FCRL1: variants seen among roughly 807,000 people sequenced by gnomAD.
FCRL1 encodes the protein Fc receptor-like protein 1.
In FCRL1, 34 loss-of-function variants were observed where a neutral mutation model predicts 49.2. The ratio of observed to expected loss-of-function variants is 0.69; its 90% CI spans 0.53 to 0.92. FCRL1 has a LOEUF of 0.92. Among genes scored for constraint, FCRL1 ranks in the 40% least tolerant of loss-of-function variants. The probability of loss-of-function intolerance (pLI) is 0.00; values close to 1 mark genes in which losing one functional copy is unlikely to be tolerated. For missense variants in FCRL1, 524 were observed against 524.1 expected (o/e 1.00, Z 0.00); for synonymous variants, 218 against 201.6 (o/e 1.08, Z -0.69).
intron 1 of FCRL1, among the ~76,000 whole-genome samples, chr1:157,818,488 A>G (rs1411615308): frequency 6.6e-6 from 1 of 152,104 alleles, no homozygotes; most frequent in East Asian, 1.9e-4. Context: ...TCATGGTTAC[A>G]AGAAGCTTGG....
chr1:157,804,431 T>C (rs1653070535), intron 2 of FCRL1, among the ~76,000 whole-genome samples: 1 of 152,206 alleles, frequency 6.6e-6, no homozygotes, highest in Non-Finnish European at 1.5e-5. Flanking sequence ...AGTACAATAA[T>C]ACTGAAGACT....
chr1:157,814,985 AT>A (rs1654832331), intron 1 of FCRL1, among the ~76,000 whole-genome samples: 2 of 152,052 alleles, frequency 1.3e-5, no homozygotes, highest in African/African-American at 4.8e-5. Flanking sequence ...AAAAGGAGAT[AT>A]AGACTGCAAT....
intron 3 of FCRL1, 42 bp from the exon 4 acceptor site, chr1:157,802,706 A>G: frequency 1.3e-6 from 2 of 1,565,808 alleles, no homozygotes; most frequent in Non-Finnish European, 1.7e-6. Context: ...CTGTGCAGGG[A>G]GAGTTTCAAA....
intron 3 of FCRL1, among the ~76,000 whole-genome samples, chr1:157,803,507 AC>A (rs767701196): frequency 2.7e-4 from 41 of 152,308 alleles, no homozygotes; most frequent in Non-Finnish European, 5.4e-4. Context: ...CCAGTCCTAC[AC>A]AATGCAGCAC....
chr1:157,812,968 G>A (rs1010727790), intron 1 of FCRL1, among the ~76,000 whole-genome samples: 2 of 152,076 alleles, frequency 1.3e-5, no homozygotes, highest in African/African-American at 4.8e-5. Context: ...CTAGGCCACT[G>A]AGGCACACAC....
chr1:157,798,887 A>G (rs1278296666), intron 7 of FCRL1, among the ~76,000 whole-genome samples: 2 of 152,184 alleles, frequency 1.3e-5, no homozygotes, highest in Non-Finnish European at 2.9e-5. Flanking sequence ...AACTCTCAAG[A>G]GTTTTTTATA....
chr1:157,800,363 T>C lies in FCRL1; in HGVS notation c.1004-278A>G, dbSNP rs150224767. Among the ~76,000 whole-genome samples, 819 of 152,338 alleles carry C rather than the reference T, an allele frequency of 5.4e-3. 4 individuals are homozygous for C. The highest frequency in any genetic ancestry group is 0.019 in the African/African-American group (773 of 41,566). ...TCTCTAAACTTGCACATTTATTGTA[T>C]GTTTTGGTTTTGTTTTACAACCACA... is the stretch of plus-strand genomic sequence containing the variant. On this transcript the variant is annotated intron_variant, in intron 6 of 10. Transcript: ENST00000368176.
intron 3 of FCRL1, among the ~76,000 whole-genome samples, chr1:157,802,885 C>T (rs79550262): frequency 0.066 from 10,089 of 152,252 alleles, 395 homozygotes; most frequent in South Asian, 0.18. Flanking sequence ...CATCACCTCT[C>T]TCCCTAGAAC....
chr1:157,796,099 T>G lies in FCRL1; in HGVS notation c.1290A>C (p.Ter430TyrextTer19). 1 of 1,613,444 alleles carries G rather than the reference T, an allele frequency of 6.2e-7. No individual in the cohort carries two copies. The change falls in exon 11 of 11, where the codon TAA (stop) becomes TAC (tyrosine). Residue 430 changes from the stop codon to tyrosine, a stop_lost. Coordinates refer to ENST00000368176, the MANE Select transcript of FCRL1 (RefSeq NM_052938.5). ...ITDVDYEDAM* is the reference protein window; with the variant it reads ...ITDVDYEDAMY Reference sequence around the variant, plus strand: ...TCAAAGAGCAGAATCTTCCATAACCTTACATAGCATCTTCATAGTCCACAT... The same window carrying G: ...TCAAAGAGCAGAATCTTCCATAACCGTACATAGCATCTTCATAGTCCACAT...
At chr1:157,816,394 C>T (rs1018685262) in intron 1 of FCRL1, among the ~76,000 whole-genome samples, 3 of 151,824 alleles carry the variant, frequency 2.0e-5, no homozygotes, top group Admixed American at 2.0e-4. Context: ...ATTCAACATC[C>T]ATTTACGTTA....
chr1:157,804,073 C>T lies in FCRL1; in HGVS notation c.91G>A (p.Gly31Arg). Residue 31 changes from glycine to arginine, a missense_variant, in exon 3 of 11, where the codon GGG (glycine) becomes AGG (arginine). Transcript: ENST00000368176. ...LIASPSHPTE[G>R]SPVTLTCKMP... is the part of the protein sequence containing the mutation. ...TTACACGTCAGGGTCACTGGGCTCC[C>T]CTCTGTGGGATGGGAGGGGCTGGCT... 1 of 1,614,180 alleles carries T rather than the reference C, an allele frequency of 6.2e-7. No individual in the cohort carries two copies. Among genetic ancestry groups the T allele is most frequent in the Non-Finnish European group, 8.5e-7 (1 of 1,180,032 alleles).
chr1:157,815,628 G>C (rs968659738), intron 1 of FCRL1, among the ~76,000 whole-genome samples: 3 of 151,744 alleles, frequency 2.0e-5, no homozygotes, highest in African/African-American at 7.2e-5. Context: ...AAATGAAATA[G>C]AGACTAGAAA....
rs2101814803 is a variant in FCRL1 at position 157,797,891 on chromosome 1, T to G, written c.1163A>C (p.Gln388Pro). 6.2e-7 allele frequency: 1 copy of G among 1,614,192 alleles called. No individual in the cohort carries two copies. The highest frequency in any genetic ancestry group is 8.5e-7 in the Non-Finnish European group (1 of 1,180,020). ...DEVYSLAYYN[Q>P]PEQESVAAET... ...ACCTGCTACTGATTCCTGCTCCGGCTGGTTATAGTACGCCAGTGAATAAAC... is the reference window on the plus strand; with the variant it reads ...ACCTGCTACTGATTCCTGCTCCGGCGGGTTATAGTACGCCAGTGAATAAAC... Residue 388 changes from glutamine to proline, a missense_variant, in exon 9 of 11, where the codon CAG (glutamine) becomes CCG (proline). Gln to Pro is a moderately conservative substitution (Grantham distance 76). Coordinates refer to ENST00000368176, the MANE Select transcript of FCRL1 (RefSeq NM_052938.5).
chr1:157,798,119 T>C, intron 8 of FCRL1, 42 bp downstream of exon 8: 4 of 1,583,250 alleles, frequency 2.5e-6, no homozygotes, highest in Non-Finnish European at 3.5e-6. Flanking sequence ...CTTCCCTAGC[T>C]TGCTGTACCA....
chr1:157,800,165 C>T, intron 6 of FCRL1, 80 bp from the exon 7 acceptor site: 1 of 1,394,060 alleles, frequency 7.2e-7, no homozygotes, highest in Non-Finnish European at 1.0e-6. Flanking sequence ...ATACCCCCTG[C>T]ACAGGGATAT....
At chr1:157,805,185 A>T (rs533212531) in intron 2 of FCRL1, among the ~76,000 whole-genome samples, 1 of 152,094 alleles carries the variant, frequency 6.6e-6, no homozygotes, top group Non-Finnish European at 1.5e-5. Context: ...TGATAAGATG[A>T]TAAAATTGTG....
intron 2 of FCRL1, among the ~76,000 whole-genome samples, chr1:157,804,382 A>C (rs1262821927): frequency 1.3e-5 from 2 of 152,132 alleles, no homozygotes; most frequent in Non-Finnish European, 2.9e-5. Context: ...TATTTTTTGA[A>C]GTTTCTATCC....
chr1:157,796,111 T>G lies in FCRL1; in HGVS notation c.1278A>C (p.Glu426Asp), dbSNP rs141395160. ...RKANITDVDY[E>D]DAM ...ATCTTCCATAACCTTACATAGCATCTTCATAGTCCACATCTGTAATGTTTG... is the reference window on the plus strand; with the variant it reads ...ATCTTCCATAACCTTACATAGCATCGTCATAGTCCACATCTGTAATGTTTG... The change falls in exon 11 of 11, where the codon GAA (glutamate) becomes GAC (aspartate). Residue 426 changes from glutamate (E) to aspartate (D), a missense_variant. Physicochemically the swap from Glu to Asp is conservative, Grantham distance 45. Transcript: ENST00000368176. 1.5e-3 allele frequency: 2,427 copies of G among 1,613,886 alleles called. 6 individuals are homozygous for G. Among genetic ancestry groups the G allele is most frequent in the Non-Finnish European group, 1.6e-3 (1,910 of 1,179,782 alleles).
intron 1 of FCRL1, among the ~76,000 whole-genome samples, chr1:157,809,449 C>T (rs565696176): frequency 6.6e-6 from 1 of 151,944 alleles, no homozygotes; most frequent in African/African-American, 2.4e-5. Context: ...ACAAAAAAAA[C>T]CACAAATGAT....
Sources: gnomAD v4.1 joint callset for allele counts (sites outside exome capture counted in the v4.1 genomes callset) on GRCh38, gnomAD v4.1.1 for gene constraint, MANE v1.5 for transcripts, NCBI Gene and HGNC (gene_info 2026-07-23, HGNC 2026-07-21) for gene names.